SSH1: variants seen among roughly 807,000 people sequenced by gnomAD.
SSH1 encodes slingshot protein phosphatase 1.
SSH1 carries 43 observed loss-of-function variants against 79.7 expected under a neutral mutation model. That is an observed-to-expected ratio of 0.54 (90% CI 0.42 to 0.70). The LOEUF is 0.70. Among genes scored for constraint, SSH1 ranks in the 30% least tolerant of loss-of-function variants. The pLI is 0.00. For synonymous variants in SSH1, 599 were observed against 538.3 expected, an observed-to-expected ratio of 1.11 and a Z score of -1.56; for missense variants, 1,206 against 1,358.8, an observed-to-expected ratio of 0.89 and a Z score of 1.77.
At chr12:108,831,155 C>G (rs2038462786) in intron 2 of SSH1, among the ~76,000 whole-genome samples, 1 of 152,050 alleles carries the variant, frequency 6.6e-6, no homozygotes, top group Non-Finnish European at 1.5e-5. Flanking sequence ...AAGAAGAGGC[C>G]CTGTAAAGGG....
At chr12:108,839,253 GGCCTGGT>G (rs1008174863) in intron 2 of SSH1, among the ~76,000 whole-genome samples, 84 of 152,232 alleles carry the variant, frequency 5.5e-4, no homozygotes, top group African/African-American at 1.8e-3. Context: ...CATGAGGTGG[GGCCTGGT>G]CAGGAGTCCC....
chr12:108,842,559 A>G (rs1016417027), intron 2 of SSH1, among the ~76,000 whole-genome samples: 4 of 152,228 alleles, frequency 2.6e-5, no homozygotes, highest in African/African-American at 9.6e-5. Context: ...GCAGCACATG[A>G]AGGGGATACG....
At chr12:108,793,515 C>G (rs2036606487) in intron 13 of SSH1, among the ~76,000 whole-genome samples, 1 of 151,890 alleles carries the variant, frequency 6.6e-6, no homozygotes, top group Admixed American at 6.6e-5. Context: ...CCACTTCACC[C>G]TCCCAAGTGG....
In SSH1 at chr12:108,857,454, C is replaced by A. The variant is rs1214532470; in HGVS notation, c.43G>T (p.Ala15Ser). Residue 15 changes from alanine (A) to serine (S), a missense_variant, in exon 1 of 15, where the codon GCC becomes TCC. Ala to Ser is a moderately conservative substitution (Grantham distance 99). Around this residue, in one of 5 missense-constraint regions of SSH1, gnomAD observed 100 missense variants for 82.3 expected, o/e 1.21. Coordinates refer to ENST00000326495, the MANE Select transcript of SSH1 (RefSeq NM_018984.4). The surrounding 1 kb of genome is among the most constrained non-coding windows in gnomAD (Gnocchi z 4.7). Reference sequence around the variant, plus strand: ...TCGCTGTTGCTGGCCGAGGAGGAGGCGGCGCTGGGCGTGGGCGAGCGCTGC... The same window carrying A: ...TCGCTGTTGCTGGCCGAGGAGGAGGAGGCGCTGGGCGTGGGCGAGCGCTGC... The part of the protein sequence containing the change: ...TLQRSPTPSA[A>S]SSSASNSELE... The A allele has an allele frequency of 1.8e-6, 2 of 1,117,124 alleles. No homozygotes were observed. The highest frequency in any genetic ancestry group is 9.7e-5 in the East Asian group (1 of 10,290). 69.2% of individuals were successfully genotyped at this position (1,117,124 alleles called of 1,614,324 possible). A position where few individuals can be genotyped will look rare whatever the true frequency, so the allele number is the denominator to read the frequency against.
At chr12:108,837,903 C>T (rs987551287) in intron 2 of SSH1, among the ~76,000 whole-genome samples, 1 of 152,138 alleles carries the variant, frequency 6.6e-6, no homozygotes, top group Non-Finnish European at 1.5e-5. Flanking sequence ...CCACCTCAAC[C>T]ACCCAAGTAG....
chr12:108,814,252 C>T (rs1421426270), intron 5 of SSH1, among the ~76,000 whole-genome samples: 2 of 151,896 alleles, frequency 1.3e-5, no homozygotes, highest in Admixed American at 1.3e-4. Context: ...TTTGAGAGTG[C>T]GCAAGCCTGC....
At chr12:108,835,462 C>G (rs555004292) in intron 2 of SSH1, among the ~76,000 whole-genome samples, 1 of 152,214 alleles carries the variant, frequency 6.6e-6, no homozygotes, top group African/African-American at 2.4e-5. Context: ...CAAACAAACA[C>G]TGAGGCTCAG....
intron 2 of SSH1, chr12:108,827,373 G>C: frequency 6.5e-7 from 1 of 1,535,476 alleles, no homozygotes; most frequent in Non-Finnish European, 8.8e-7. Context: ...CATCTCTAAC[G>C]CTCCCTACAA....
chr12:108,853,225 T>C, intron 1 of SSH1: 1 of 985,412 alleles, frequency 1.0e-6, no homozygotes. Flanking sequence ...AAACATTTGA[T>C]ACGAAACATC....
intron 5 of SSH1, among the ~76,000 whole-genome samples, chr12:108,812,136 T>G (rs1023678067): frequency 1.3e-5 from 2 of 152,166 alleles, no homozygotes; most frequent in Admixed American, 1.3e-4. Context: ...TCTATATCTG[T>G]GGGGAAGGTT....
In SSH1 at chr12:108,845,718, A is replaced by C. The variant is rs145568198; in HGVS notation, c.110+6920T>G. ...TAAACAAAATAAACATATATTGTTT[A>C]ACTGTTAAGTTAGTGGTAACTTGTC... On this transcript the variant is annotated intron_variant, in intron 2 of 14. Coordinates refer to ENST00000326495, the MANE Select transcript of SSH1 (RefSeq NM_018984.4). 2.3e-3 allele frequency among the ~76,000 whole-genome samples: 344 copies of C among 152,362 alleles called. 1 individual carries two copies. Among genetic ancestry groups the C allele is most frequent in the African/African-American group, 7.6e-3 (315 of 41,578 alleles).
At position 108,857,403 on chromosome 12, in the gene SSH1, C is replaced by A. The variant is rs535437523; in HGVS notation, c.69+25G>T. ...CGGCGCGGCGTCCGGCGGCCCAGGCCGGGCGCGGCGAGCCCGGGGCTCACC... is the reference window on the plus strand; with the variant it reads ...CGGCGCGGCGTCCGGCGGCCCAGGCAGGGCGCGGCGAGCCCGGGGCTCACC... On this transcript the variant is annotated intron_variant, in intron 1 of 14. Coordinates refer to ENST00000326495, the MANE Select transcript of SSH1 (RefSeq NM_018984.4). The surrounding 1 kb of genome is among the most constrained non-coding windows in gnomAD (Gnocchi z 4.7). 6 of 1,019,278 alleles carry A rather than the reference C, an allele frequency of 5.9e-6. No homozygotes were observed. Among genetic ancestry groups the A allele is most frequent in the Non-Finnish European group, 7.0e-6 (6 of 851,366 alleles). The allele number at this position is 1,019,278 out of a possible 1,614,324, so 63.1% of individuals were successfully genotyped here.
intron 12 of SSH1, among the ~76,000 whole-genome samples, chr12:108,799,471 C>T (rs902198700): frequency 2.6e-5 from 4 of 152,102 alleles, no homozygotes; most frequent in Admixed American, 6.6e-5. Context: ...GTTTTGTTTG[C>T]AGGGAGAGCT....
At chr12:108,836,370 T>C (rs2038631171) in intron 2 of SSH1, among the ~76,000 whole-genome samples, 1 of 152,120 alleles carries the variant, frequency 6.6e-6, no homozygotes, top group South Asian at 2.1e-4. Context: ...GCTCCTAAAT[T>C]TCATTTTCCA....
At position 108,801,564 on chromosome 12, in the gene SSH1, A is replaced by C. The variant is rs540355244; in HGVS notation, c.1002-638T>G. 1.1e-4 allele frequency among the ~76,000 whole-genome samples: 16 copies of C among 152,338 alleles called. No individual in the cohort carries two copies. The South Asian group carries it at 2.9e-3, about 28-fold the overall frequency. On this transcript the variant is annotated intron_variant, in intron 11 of 14. Coordinates refer to ENST00000326495, the MANE Select transcript of SSH1 (RefSeq NM_018984.4). ...TTTATTCCCAGCAAGACGAAAGCAC[A>C]GAAGAGTATGGCCTTACGTTTTAAG...
Position 108,829,028 on chromosome 12 carries a change from A to G in SSH1, c.111-5667T>C, listed in dbSNP as rs140043413. 6.1e-3 allele frequency among the ~76,000 whole-genome samples: 929 copies of G among 152,308 alleles called. 6 individuals carry two copies. Among genetic ancestry groups the G allele is most frequent in the Non-Finnish European group, 9.4e-3 (636 of 68,016 alleles). On this transcript the variant is annotated intron_variant, in intron 2 of 14. Transcript: ENST00000326495. The stretch of plus-strand genomic sequence containing the variant: ...CGCCCATGGTGACTGCCGCGCTTTA[A>G]GGTTTAAGAAAAGTAAAAACTGGGG...
chr12:108,840,247 G>A (rs1294794695), intron 2 of SSH1, among the ~76,000 whole-genome samples: 3 of 152,082 alleles, frequency 2.0e-5, no homozygotes, highest in Non-Finnish European at 2.9e-5. Context: ...GGCTCCTCTC[G>A]GGGGCTGGGC....
At chr12:108,799,988 C>G (rs919926499) in intron 12 of SSH1, among the ~76,000 whole-genome samples, 1 of 152,250 alleles carries the variant, frequency 6.6e-6, no homozygotes, top group African/African-American at 2.4e-5. Flanking sequence ...CCTTGAAATT[C>G]TCCTGCAAAT....
chr12:108,811,373 C>T, intron 5 of SSH1, 45 bp from the exon 6 acceptor site: 1 of 1,584,178 alleles, frequency 6.3e-7, no homozygotes, highest in South Asian at 1.1e-5. Flanking sequence ...GTCTACCCAC[C>T]TACGTGTACA....
Sources: allele counts gnomAD v4.1 joint callset (sites outside exome capture counted in the v4.1 genomes callset), GRCh38; gene constraint gnomAD v4.1.1; regional missense constraint gnomAD v4.1.1; non-coding constraint Gnocchi (gnomAD v3.1); transcripts MANE v1.5; gene names NCBI Gene and HGNC (gene_info 2026-07-23, HGNC 2026-07-21).